PACC1: variants seen among roughly 807,000 people sequenced by gnomAD.
PACC1 encodes the protein proton-activated chloride channel.
Under a neutral mutation model 39.7 loss-of-function variants are expected in PACC1, and 34 were observed. That is an observed-to-expected ratio of 0.86 (90% CI 0.65 to 1.14). The LOEUF is 1.14. Among genes scored for constraint, PACC1 ranks in the 50% most tolerant of loss-of-function variants. The pLI, the probability that PACC1 is intolerant of heterozygous loss-of-function variation, is 0.00. For synonymous variants in PACC1, 127 were observed against 160.6 expected (o/e 0.79, Z 1.58); for missense variants, 379 against 436.4 (o/e 0.87, Z 1.17).
chr1:212,376,851 G>A (rs897989289), intron 6 of PACC1: 1 of 152,236 alleles, frequency 6.6e-6, no homozygotes, highest in African/African-American at 2.4e-5. Flanking sequence ...TGACTGGAGT[G>A]TGTCCTTCTG....
chr1:212,376,452 C>T (rs529705676), intron 6 of PACC1, among the ~76,000 whole-genome samples: 3 of 152,266 alleles, frequency 2.0e-5, no homozygotes, highest in South Asian at 2.1e-4. Context: ...CCTTTGGTTT[C>T]GGATCACAGT....
At position 212,397,710 on chromosome 1, in the gene PACC1, C is replaced by T. The variant is rs146250861; in HGVS notation, c.134-10610G>A. ...ATAAGGATATAAAACATGAGGTTTCCTTCAACTGCAGGAAGAATGGGAAGC... is the reference window on the plus strand; with the variant it reads ...ATAAGGATATAAAACATGAGGTTTCTTTCAACTGCAGGAAGAATGGGAAGC... On this transcript the variant is annotated intron_variant, in intron 2 of 7. Coordinates refer to ENST00000261455, the MANE Select transcript of PACC1 (RefSeq NM_018252.3). Among the ~76,000 whole-genome samples the T allele has an allele frequency of 6.7e-4, 102 of 152,276 alleles. 1 individual carries two copies. Among genetic ancestry groups the T allele is most frequent in the Middle Eastern group, 3.4e-3 (1 of 294 alleles).
chr1:212,400,674 G>C (rs1361692820), intron 2 of PACC1, among the ~76,000 whole-genome samples: 1 of 152,130 alleles, frequency 6.6e-6, no homozygotes, highest in African/African-American at 2.4e-5. Flanking sequence ...TATGTAGTGA[G>C]AAAACTAACA....
In PACC1 at chr1:212,375,205, C is replaced by T; in HGVS notation, c.879G>A (p.Gln293=). The change falls in exon 7 of 8, where the codon CAG becomes CAA. Residue 293 remains glutamine (Q), a synonymous_variant. Transcript: ENST00000261455. ...VVFEWKDPFI[Q]KVQDIVTANP... The stretch of plus-strand genomic sequence containing the variant: ...CTTAAATACTCACATCTTGGACTTT[C>T]TGGATGAAAGGATCTTTCCATTCAA... 6.2e-7 allele frequency: 1 copy of T among 1,613,018 alleles called. No individual in the cohort carries two copies. Among genetic ancestry groups the T allele is most frequent in the South Asian group, 1.1e-5 (1 of 91,010 alleles).
chr1:212,367,161 G>A (rs1362760284), intron 7 of PACC1, among the ~76,000 whole-genome samples: 4 of 152,202 alleles, frequency 2.6e-5, no homozygotes, highest in African/African-American at 9.6e-5. Flanking sequence ...ATAGTCCTCT[G>A]CAGCAACACC....
Position 212,387,013 on chromosome 1 carries a change from T to C in PACC1, c.221A>G (p.Tyr74Cys), listed in dbSNP as rs771847878. 60 of 1,613,958 alleles carry C rather than the reference T, an allele frequency of 3.7e-5. No homozygotes were observed. Among genetic ancestry groups the C allele is most frequent in the Admixed American group, 6.7e-5 (4 of 60,004 alleles). The change falls in exon 3 of 8, where the codon TAC becomes TGC. Residue 74 changes from tyrosine to cysteine, a missense_variant. Physicochemically the swap from Tyr to Cys is radical, Grantham distance 194 (BLOSUM62 -2). Transcript: ENST00000261455. Reference protein sequence around the residue: ...NVFSVLLIFIYLLLMAVAVFL... With the variant: ...NVFSVLLIFICLLLMAVAVFL... ...GACGGCCACAGCCATGAGCAGCAGG[T>C]AGATGAAGATGAGTAGGACCGAGAA...
chr1:212,404,927 C>T (rs1029265599), intron 2 of PACC1, among the ~76,000 whole-genome samples: 1 of 152,088 alleles, frequency 6.6e-6, no homozygotes, highest in Non-Finnish European at 1.5e-5. Context: ...TGCCACCATG[C>T]CCCGGCTAGT....
chr1:212,410,639 A>G lies in PACC1; in HGVS notation c.37-118T>C, dbSNP rs774662075. ...TAATTGTCACCAAAAACCACATGAC[A>G]TAGAGTGTGTTACAGCAATTTTACA... On this transcript the variant is annotated intron_variant, in intron 1 of 7. Transcript: ENST00000261455. The G allele has an allele frequency of 2.1e-5, 19 of 908,816 alleles. No individual in the cohort carries two copies. The African/African-American group carries it at 2.6e-4, about 12-fold the overall frequency. 56.3% of individuals were successfully genotyped at this position (908,816 alleles called of 1,614,324 possible).
In PACC1 at chr1:212,377,686, A is replaced by G; in HGVS notation, c.659T>C (p.Met220Thr). Reference protein sequence around the residue: ...FLQSPNRVGFMQACESAYSSW... With the variant: ...FLQSPNRVGFTQACESAYSSW... ...GGAATAGGCACTCTCACAGGCCTGC[A>G]TGAAGCCTACCCTGTTTGGGCTTGG... Residue 220 changes from methionine (M) to threonine (T), a missense_variant, in exon 6 of 8, where the codon ATG becomes ACG. By Grantham distance (81) the Met-to-Thr change is moderately conservative. Transcript: ENST00000261455. The G allele has an allele frequency of 6.2e-7, 1 of 1,614,184 alleles. No homozygotes were observed. The highest frequency in any genetic ancestry group is 8.5e-7 in the Non-Finnish European group (1 of 1,180,016).
chr1:212,379,001 T>G (rs1178182875), intron 5 of PACC1, among the ~76,000 whole-genome samples: 1 of 151,456 alleles, frequency 6.6e-6, no homozygotes, highest in East Asian at 1.9e-4. Context: ...TGGAGTGCAG[T>G]GGCGCAATCT....
intron 7 of PACC1, among the ~76,000 whole-genome samples, chr1:212,372,194 A>G (rs974644974): frequency 5.3e-5 from 8 of 152,116 alleles, no homozygotes; most frequent in African/African-American, 1.9e-4. Flanking sequence ...CTGAAGCACA[A>G]GAATCATTTG....
chr1:212,386,962 T>C lies in PACC1; in HGVS notation c.272A>G (p.Asp91Gly). 2 of 1,614,068 alleles carry C rather than the reference T, an allele frequency of 1.2e-6. No homozygotes were observed. The highest frequency in any genetic ancestry group is 1.7e-6 in the Non-Finnish European group (2 of 1,180,016). ...AGGGTGCTTGAGTTTCTCACGAAAG[T>C]CTGTGATGGTCCGGTAGACCAGGAA... ...AVFLVYRTIT[D>G]FREKLKHPVM... The change falls in exon 3 of 8, where the codon GAC (aspartate) becomes GGC (glycine). Residue 91 changes from aspartate (D) to glycine (G), a missense_variant. Physicochemically the swap from Asp to Gly is moderately conservative, Grantham distance 94. Coordinates refer to ENST00000261455, the MANE Select transcript of PACC1 (RefSeq NM_018252.3). The surrounding 1 kb of genome is among the most constrained non-coding windows in gnomAD (Gnocchi z 5.0).
intron 7 of PACC1, among the ~76,000 whole-genome samples, chr1:212,371,159 C>T (rs996245877): frequency 6.8e-6 from 1 of 146,946 alleles, no homozygotes; most frequent in African/African-American, 2.5e-5. Context: ...GCAGGAGAAT[C>T]GTTTGAACCC....
intron 7 of PACC1, 71 bp from the exon 8 acceptor site, chr1:212,365,447 T>C (rs1384844225): frequency 4.6e-6 from 6 of 1,310,884 alleles, no homozygotes; most frequent in Non-Finnish European, 6.2e-6. Context: ...TTTTTTTTTT[T>C]TGAGATGGAG....
chr1:212,382,733 C>G (rs1239155775), intron 4 of PACC1, among the ~76,000 whole-genome samples: 2 of 152,194 alleles, frequency 1.3e-5, no homozygotes, highest in Non-Finnish European at 2.9e-5. Context: ...CCTAAAGCTG[C>G]TCACACAAGC....
chr1:212,386,634 C>T lies in PACC1; in HGVS notation c.343+257G>A, dbSNP rs2102498818. Among the ~76,000 whole-genome samples, 1 of 152,282 alleles carries T rather than the reference C, an allele frequency of 6.6e-6. No homozygotes were observed. The highest frequency in any genetic ancestry group is 2.1e-4 in the South Asian group (1 of 4,820). ...TGCTTTTCGAGGCCCATCTCAAATC[C>T]TACCTCTCTGCCAAGCTTTCCCTGA... is the stretch of plus-strand genomic sequence containing the variant. On this transcript the variant is annotated intron_variant, in intron 3 of 7. Transcript: ENST00000261455. The surrounding 1 kb of genome is among the most constrained non-coding windows in gnomAD (Gnocchi z 5.0).
At chr1:212,377,455 C>T in intron 6 of PACC1, 107 bp downstream of exon 6, 7 of 1,478,664 alleles carry the variant, frequency 4.7e-6, no homozygotes, top group Non-Finnish European at 6.5e-6. Flanking sequence ...GGCCTACTCA[C>T]CCTTAAGGCC....
intron 2 of PACC1, among the ~76,000 whole-genome samples, chr1:212,393,921 G>A (rs551909308): frequency 1.3e-5 from 2 of 152,028 alleles, no homozygotes; most frequent in East Asian, 1.9e-4. Context: ...CCAATAACAG[G>A]CTCTGAAATT....
intron 7 of PACC1, among the ~76,000 whole-genome samples, chr1:212,369,548 AG>A: frequency 6.6e-6 from 1 of 152,216 alleles, no homozygotes; most frequent in Admixed American, 6.5e-5. Flanking sequence ...TGGGAGGCCA[AG>A]GTGGGCAGAT....
Sources: gnomAD v4.1 joint callset for allele counts (sites outside exome capture counted in the v4.1 genomes callset) on GRCh38, gnomAD v4.1.1 for gene constraint, Gnocchi (gnomAD v3.1) non-coding constraint, MANE v1.5 for transcripts, NCBI Gene and HGNC (gene_info 2026-07-23, HGNC 2026-07-21) for gene names.